The following CADM2 variants were observed in gnomAD, a reference collection of about 807,000 sequenced individuals.
CADM2 encodes the protein cell adhesion molecule 2.
In CADM2, 12 loss-of-function variants were observed where a neutral mutation model predicts 49.8. The ratio of observed to expected loss-of-function variants is 0.24; its 90% CI spans 0.15 to 0.39. The LOEUF is 0.39. Among genes scored for constraint, CADM2 ranks in the 10% least tolerant of loss-of-function variants. The pLI, the probability that CADM2 is intolerant of heterozygous loss-of-function variation, is 1.00. For missense variants in CADM2, 378 were observed against 492.3 expected (o/e 0.77, Z 2.20); for synonymous variants, 214 against 175.4 (o/e 1.22, Z -1.74).
At chr3:85,740,888 C>T (rs989157663) in intron 2 of CADM2, among the ~76,000 whole-genome samples, 1 of 152,142 alleles carries the variant, frequency 6.6e-6, no homozygotes, top group Admixed American at 6.6e-5. Context: ...AAGTCATATA[C>T]TCTTCATTTA....
chr3:85,562,403 G>A (rs569702985), intron 1 of CADM2, among the ~76,000 whole-genome samples: 5 of 145,818 alleles, frequency 3.4e-5, no homozygotes, highest in East Asian at 4.3e-4. Context: ...ACTTGAACCC[G>A]GGAGGCAGAA....
At chr3:85,373,744 G>A (rs976083920) in intron 1 of CADM2, among the ~76,000 whole-genome samples, 15 of 152,154 alleles carry the variant, frequency 9.9e-5, no homozygotes, top group African/African-American at 3.4e-4. Flanking sequence ...TGCACCTGCA[G>A]GCCCAACACC....
intron 1 of CADM2, among the ~76,000 whole-genome samples, chr3:85,202,176 T>A (rs1251452998): frequency 6.6e-6 from 1 of 152,034 alleles, no homozygotes; most frequent in Non-Finnish European, 1.5e-5. Context: ...TATGTCTAAT[T>A]CTGCTTCTCT....
chr3:85,549,734 C>A (rs889491305), intron 1 of CADM2, among the ~76,000 whole-genome samples: 4 of 151,884 alleles, frequency 2.6e-5, no homozygotes, highest in African/African-American at 9.7e-5. Flanking sequence ...AGTGATTCTC[C>A]TGCTTCAGCC....
intron 1 of CADM2, among the ~76,000 whole-genome samples, chr3:85,218,171 A>C (rs1184848532): frequency 6.6e-6 from 1 of 152,156 alleles, no homozygotes; most frequent in Non-Finnish European, 1.5e-5. Context: ...AAAAATTATA[A>C]AAGTGGAAAT....
At chr3:85,789,828 A>G (rs950496108) in intron 2 of CADM2, among the ~76,000 whole-genome samples, 1 of 152,178 alleles carries the variant, frequency 6.6e-6, no homozygotes, top group Non-Finnish European at 1.5e-5. Context: ...TGGTGTGTAA[A>G]CAAGTTTGTG....
chr3:85,819,795 GA>G, intron 3 of CADM2, among the ~76,000 whole-genome samples: 1 of 152,164 alleles, frequency 6.6e-6, no homozygotes, highest in African/African-American at 2.4e-5. Context: ...CTAGGCGCTT[GA>G]GATTTATCAG....
chr3:85,455,502 T>C (rs1369728080), intron 1 of CADM2, among the ~76,000 whole-genome samples: 1 of 152,142 alleles, frequency 6.6e-6, no homozygotes, highest in Non-Finnish European at 1.5e-5. Flanking sequence ...AATGTCTCAG[T>C]TTAAAGAACA....
At chr3:85,909,506 C>T (rs1717278409) in intron 5 of CADM2, among the ~76,000 whole-genome samples, 1 of 151,888 alleles carries the variant, frequency 6.6e-6, no homozygotes, top group Non-Finnish European at 1.5e-5. Context: ...GTAAGTCCCA[C>T]TATTCCCACT....
At chr3:86,018,198 G>A (rs1345514432) in intron 8 of CADM2, among the ~76,000 whole-genome samples, 1 of 122,990 alleles carries the variant, frequency 8.1e-6, no homozygotes, top group Non-Finnish European at 1.7e-5. Context: ...CCCTACAAAG[G>A]ACATGAACTC....
intron 1 of CADM2, among the ~76,000 whole-genome samples, chr3:85,139,929 G>A (rs2039527329): frequency 6.6e-6 from 1 of 152,132 alleles, no homozygotes; most frequent in Non-Finnish European, 1.5e-5. Flanking sequence ...GAAGTAATGG[G>A]TGGTGAGTTA....
intron 3 of CADM2, among the ~76,000 whole-genome samples, chr3:85,852,038 G>A (rs1457071511): frequency 1.3e-5 from 2 of 152,034 alleles, no homozygotes; most frequent in Admixed American, 1.3e-4. Context: ...CTGGAGGTCT[G>A]AGGCTTATCC....
chr3:85,848,211 C>T (rs2074960199), intron 3 of CADM2, among the ~76,000 whole-genome samples: 1 of 151,984 alleles, frequency 6.6e-6, no homozygotes, highest in South Asian at 2.1e-4. Flanking sequence ...ATAATTCTTC[C>T]ATTACAACTT....
chr3:85,619,055 AC>A (rs1233160307), intron 1 of CADM2, among the ~76,000 whole-genome samples: 3 of 143,666 alleles, frequency 2.1e-5, no homozygotes, highest in East Asian at 2.1e-4. Context: ...AAAAAAAAAA[AC>A]CCAGAAATTA....
At chr3:85,568,416 TTTCTTTC>T (rs1413948836) in intron 1 of CADM2, among the ~76,000 whole-genome samples, 1 of 24,736 alleles carries the variant, frequency 4.0e-5, no homozygotes, top group African/African-American at 1.2e-4. Flanking sequence ...TCTTTCTTTC[TTTCTTTC>T]TTTCTTTCTT....
intron 3 of CADM2, among the ~76,000 whole-genome samples, chr3:85,852,622 C>G (rs1445482198): frequency 6.6e-6 from 1 of 152,014 alleles, no homozygotes; most frequent in Non-Finnish European, 1.5e-5. Flanking sequence ...CAAGAATATA[C>G]ACAAATGTGA....
intron 1 of CADM2, among the ~76,000 whole-genome samples, chr3:85,028,041 T>C (rs573547286): frequency 6.6e-6 from 1 of 152,286 alleles, no homozygotes; most frequent in Admixed American, 6.5e-5. Context: ...GGGGCAGAGA[T>C]AGAAAAAAAC....
rs1490792642 is a variant in CADM2 at position 85,443,020 on chromosome 3, TAA to T, written c.62-283501_62-283500del. On this transcript the variant is annotated intron_variant, in intron 1 of 9. Transcript: ENST00000383699. ...TATGTCTTGAAACATGGTAACTGCC[TAA>T]GTTATTTTAGTCAAACTTATAATAA... is the stretch of plus-strand genomic sequence containing the variant. 5.9e-5 allele frequency among the ~76,000 whole-genome samples: 9 copies of T among 152,196 alleles called. No homozygotes were observed. In the East Asian group the frequency reaches 1.7e-3, roughly 29 times the overall value.
At chr3:85,316,099 TAAAAC>T (rs1401201248) in intron 1 of CADM2, among the ~76,000 whole-genome samples, 1 of 152,120 alleles carries the variant, frequency 6.6e-6, no homozygotes, top group Non-Finnish European at 1.5e-5. Context: ...TCATTTGAAA[TAAAAC>T]AAGAGCAAAA....
Sources: gnomAD v4.1 joint callset for allele counts (sites outside exome capture counted in the v4.1 genomes callset) on GRCh38, gnomAD v4.1.1 for gene constraint, MANE v1.5 for transcripts, NCBI Gene and HGNC (gene_info 2026-07-23, HGNC 2026-07-21) for gene names.